The following DMD variants were observed in gnomAD, a reference collection of about 807,000 sequenced individuals.
DMD encodes mutant dystrophin.
In DMD, 63 loss-of-function variants were observed where a neutral mutation model predicts 330.1. The ratio of observed to expected loss-of-function variants is 0.19; its 90% CI spans 0.16 to 0.24. The LOEUF (loss-of-function observed/expected upper bound fraction) is 0.24, where lower values mean the gene tolerates loss of function less well. Among genes scored for constraint, DMD ranks in the 10% least tolerant of loss-of-function variants. The pLI is 1.00. For synonymous variants in DMD, 1,223 were observed against 959.8 expected (o/e 1.27, Z -5.07); for missense variants, 3,344 against 2,684.1 (o/e 1.25, Z -5.43).
At chrX:32,632,733 G>A (rs915023830) in intron 11 of DMD, among the ~76,000 whole-genome samples, 4 of 106,923 alleles carry the variant, frequency 3.7e-5, no homozygotes, top group East Asian at 5.9e-4. Context: ...CGCTGGGTGC[G>A]GGGGGGAGGG....
intron 1 of DMD, among the ~76,000 whole-genome samples, chrX:33,330,353 G>T (rs2054153645): frequency 9.0e-6 from 1 of 111,504 alleles, no homozygotes; most frequent in Non-Finnish European, 1.9e-5. Flanking sequence ...ATTGTTACAG[G>T]TTTATTTGGC....
intron 44 of DMD, among the ~76,000 whole-genome samples, chrX:32,002,285 T>C (rs1417217908): frequency 8.9e-6 from 1 of 111,983 alleles, no homozygotes; most frequent in Non-Finnish European, 1.9e-5. Context: ...CAGAATAAAT[T>C]ACCCGTATAA....
At chrX:31,961,032 A>C (rs780224623) in intron 45 of DMD, among the ~76,000 whole-genome samples, 5 of 112,290 alleles carry the variant, frequency 4.5e-5, no homozygotes, top group African/African-American at 1.6e-4. Flanking sequence ...TTCCTGCTTA[A>C]TTCACTTAAA....
intron 50 of DMD, among the ~76,000 whole-genome samples, chrX:31,776,148 CAG>C (rs1767383570): frequency 1.8e-5 from 2 of 110,995 alleles, no homozygotes. Context: ...GCTAAATATC[CAG>C]AGAGGATGCA....
intron 62 of DMD, among the ~76,000 whole-genome samples, chrX:31,316,351 G>T (rs2148230902): frequency 8.9e-6 from 1 of 112,406 alleles, no homozygotes; most frequent in African/African-American, 3.2e-5. Flanking sequence ...ATATGTTCAT[G>T]AATTCATTCC....
chrX:33,269,873 T>C (rs2053122826), intron 1 of DMD, among the ~76,000 whole-genome samples: 1 of 110,548 alleles, frequency 9.0e-6, no homozygotes, highest in African/African-American at 3.3e-5. Flanking sequence ...TTTGCAAAGA[T>C]CTTGGGACAA....
At chrX:31,992,074 C>G (rs887926488) in intron 44 of DMD, among the ~76,000 whole-genome samples, 6 of 111,610 alleles carry the variant, frequency 5.4e-5, no homozygotes, top group African/African-American at 2.0e-4. Flanking sequence ...CAGGGGATTA[C>G]TATATTACTG....
intron 48 of DMD, among the ~76,000 whole-genome samples, chrX:31,844,910 T>C (rs970956338): frequency 1.8e-5 from 2 of 110,837 alleles, no homozygotes; most frequent in African/African-American, 6.6e-5. Flanking sequence ...GATTACAGTG[T>C]AGTGTACACC....
chrX:31,238,368 C>G (rs1755974041), intron 63 of DMD, among the ~76,000 whole-genome samples: 2 of 112,020 alleles, frequency 1.8e-5, no homozygotes, highest in Non-Finnish European at 3.8e-5. Context: ...GACAAAACTA[C>G]TTGAGGATAA....
chrX:31,314,779 A>AGAGAGAGAGAGTGT (rs1225831523), intron 62 of DMD, among the ~76,000 whole-genome samples: 2 of 93,433 alleles, frequency 2.1e-5, no homozygotes, highest in African/African-American at 4.3e-5. Flanking sequence ...AGAGAGAGAG[A>AGAGAGAGAGAGTGT]GTGTTTTACC....
At chrX:31,946,586 C>T (rs1158901037) in intron 45 of DMD, among the ~76,000 whole-genome samples, 1 of 111,823 alleles carries the variant, frequency 8.9e-6, no homozygotes, top group Non-Finnish European at 1.9e-5. Context: ...TAGACCACTT[C>T]ACTTAGCTAA....
At chrX:32,288,184 G>T (rs947306962) in intron 42 of DMD, among the ~76,000 whole-genome samples, 1 of 111,476 alleles carries the variant, frequency 9.0e-6, no homozygotes, top group African/African-American at 3.3e-5. Flanking sequence ...ACACTTGGAG[G>T]TCTCACGAGA....
At chrX:32,288,269 A>G (rs982710838) in intron 42 of DMD, among the ~76,000 whole-genome samples, 22 of 111,635 alleles carry the variant, frequency 2.0e-4, no homozygotes, top group African/African-American at 6.5e-4. Flanking sequence ...AGATTCCCTC[A>G]TTTCAGTAAA....
chrX:32,916,185 A>T (rs1369641119), intron 2 of DMD, among the ~76,000 whole-genome samples: 1 of 111,416 alleles, frequency 9.0e-6, no homozygotes, highest in East Asian at 2.8e-4. Context: ...CAGAGTCAAC[A>T]ATCATTGTCC....
intron 21 of DMD, among the ~76,000 whole-genome samples, chrX:32,484,634 T>G (rs770602585): frequency 8.9e-6 from 1 of 112,275 alleles, no homozygotes; most frequent in South Asian, 3.6e-4. Flanking sequence ...TTTTATTTTC[T>G]TCTATATTCA....
At chrX:32,877,493 G>T (rs1480041281) in intron 2 of DMD, among the ~76,000 whole-genome samples, 1 of 111,937 alleles carries the variant, frequency 8.9e-6, no homozygotes, top group Non-Finnish European at 1.9e-5. Context: ...AATTATTCAG[G>T]TAAGTGCTTA....
intron 44 of DMD, among the ~76,000 whole-genome samples, chrX:32,190,644 T>G (rs1037519545): frequency 9.7e-6 from 1 of 102,776 alleles, no homozygotes; most frequent in African/African-American, 3.6e-5. Flanking sequence ...CTTTAAGAGA[T>G]ATTTTCTATC....
chrX:32,026,494 T>C (rs944690795), intron 44 of DMD, among the ~76,000 whole-genome samples: 2 of 112,477 alleles, frequency 1.8e-5, no homozygotes, highest in Non-Finnish European at 3.8e-5. Flanking sequence ...TCAGTGTTAC[T>C]AAACCCTGAA....
chrX:31,547,744 T>C (rs1055276229), intron 55 of DMD, among the ~76,000 whole-genome samples: 1 of 112,558 alleles, frequency 8.9e-6, no homozygotes, highest in South Asian at 3.6e-4. Flanking sequence ...TTTAAATAAA[T>C]GAGTCATTTT....
Sources: allele counts gnomAD v4.1 joint callset (sites outside exome capture counted in the v4.1 genomes callset), GRCh38; gene constraint gnomAD v4.1.1; transcripts MANE v1.5; gene names NCBI Gene and HGNC (gene_info 2026-07-23, HGNC 2026-07-21).